METTL5: variants seen among roughly 807,000 people sequenced by gnomAD.
METTL5 encodes rRNA N(6)-adenosine-methyltransferase METTL5.
Under a neutral mutation model 26.5 loss-of-function variants are expected in METTL5, and 28 were observed. The ratio of observed to expected loss-of-function variants is 1.06; its 90% CI spans 0.78 to 1.45. The LOEUF (loss-of-function observed/expected upper bound fraction) is 1.45. METTL5 is among the 40% of genes most tolerant of loss of function. METTL5 has a pLI of 0.00. For missense variants in METTL5, 231 were observed against 249.9 expected (o/e 0.92, Z 0.51); for synonymous variants, 86 against 82.6 (o/e 1.04, Z -0.22).
intron 5 of METTL5, chr2:169,812,736 G>A: frequency 2.1e-6 from 1 of 483,568 alleles, no homozygotes. Flanking sequence ...GGTTATAAGT[G>A]ATGAGTTTAG....
Position 169,821,197 on chromosome 2 carries a change from T to C in METTL5, c.301A>G (p.Asn101Asp). The C allele has an allele frequency of 6.2e-7, 1 of 1,612,768 alleles. No homozygotes were observed. Among genetic ancestry groups the C allele is most frequent in the Non-Finnish European group, 8.5e-7 (1 of 1,179,120 alleles). The change falls in exon 3 of 7, where the codon AAT (asparagine) becomes GAT (aspartate). Residue 101 changes from asparagine (N) to aspartate (D), a missense_variant. Physicochemically the swap from Asn to Asp is conservative, Grantham distance 23. Coordinates refer to ENST00000260953, the MANE Select transcript of METTL5 (RefSeq NM_014168.4). ...NRNAEEFELT[N>D]IDMVQCDVCL... The stretch of plus-strand genomic sequence containing the variant: ...ACATCACATTGAACCATGTCAATAT[T>C]TGTTAACTCAAACTCTTCTGCATTC...
chr2:169,813,544 G>A (rs1444999992), intron 5 of METTL5, among the ~76,000 whole-genome samples: 2 of 151,804 alleles, frequency 1.3e-5, no homozygotes, highest in Non-Finnish European at 2.9e-5. Context: ...GTTCTAAGGT[G>A]TTCCGTACTG....
chr2:169,819,896 G>A (rs1237068157), intron 3 of METTL5, among the ~76,000 whole-genome samples: 1 of 151,640 alleles, frequency 6.6e-6, no homozygotes, highest in African/African-American at 2.4e-5. Context: ...CTTCAAAAAG[G>A]GGAGAAGGAA....
At chr2:169,815,818 A>C (rs537777154) in intron 4 of METTL5, among the ~76,000 whole-genome samples, 1 of 152,370 alleles carries the variant, frequency 6.6e-6, no homozygotes, top group South Asian at 2.1e-4. Flanking sequence ...TGGTAGTCCC[A>C]TAAAATTATA....
At chr2:169,812,228 T>C in intron 6 of METTL5, 1 of 657,038 alleles carries the variant, frequency 1.5e-6, no homozygotes, top group Non-Finnish European at 2.5e-6. Flanking sequence ...TAATTACTTG[T>C]CACAAAGCTT....
intron 5 of METTL5, among the ~76,000 whole-genome samples, chr2:169,814,882 T>C: frequency 6.6e-6 from 1 of 150,968 alleles, no homozygotes; most frequent in Non-Finnish European, 1.5e-5. Flanking sequence ...GCCCACTTTT[T>C]TTTTTCATTT....
chr2:169,823,597 A>G (rs1414067768), intron 1 of METTL5, among the ~76,000 whole-genome samples: 1 of 152,186 alleles, frequency 6.6e-6, no homozygotes, highest in Non-Finnish European at 1.5e-5. Flanking sequence ...CAGTGGGAAG[A>G]TCGCTTCAGC....
At chr2:169,817,175 A>G (rs2081520535) in intron 4 of METTL5, among the ~76,000 whole-genome samples, 1 of 152,204 alleles carries the variant, frequency 6.6e-6, no homozygotes, top group Non-Finnish European at 1.5e-5. Context: ...CAACAGACAT[A>G]TGAAAAAATG....
At chr2:169,814,807 C>A (rs970630813) in intron 5 of METTL5, among the ~76,000 whole-genome samples, 3 of 151,944 alleles carry the variant, frequency 2.0e-5, no homozygotes, top group Admixed American at 1.3e-4. Flanking sequence ...AATTTCCTGA[C>A]CTCGTGATCC....
chr2:169,815,216 G>A (rs1163012808), intron 5 of METTL5, among the ~76,000 whole-genome samples: 1 of 152,168 alleles, frequency 6.6e-6, no homozygotes, highest in Non-Finnish European at 1.5e-5. Flanking sequence ...TTTAGCCATT[G>A]TGCTGCTATA....
intron 4 of METTL5, among the ~76,000 whole-genome samples, chr2:169,815,957 TA>T (rs2081500274): frequency 1.3e-5 from 2 of 152,190 alleles, no homozygotes; most frequent in Non-Finnish European, 2.9e-5. Flanking sequence ...TTGCCTGTAG[TA>T]TTCAATACAG....
chr2:169,824,648 G>T lies in METTL5; in HGVS notation c.-51C>A. ...GGTTTGAAGGCACAGGATCTGCGGA[G>T]AAATCTATTGAACTGGGATCTTGTT... On this transcript the variant is annotated 5_prime_UTR_variant, in exon 1 of 7. Transcript: ENST00000260953. 2 of 1,359,984 alleles carry T rather than the reference G, an allele frequency of 1.5e-6. No homozygotes were observed. The highest frequency in any genetic ancestry group is 2.1e-6 in the Non-Finnish European group (2 of 948,640). 84.2% of individuals were successfully genotyped at this position (1,359,984 alleles called of 1,614,324 possible).
chr2:169,812,252 T>C (rs929998311), intron 6 of METTL5: 12 of 742,396 alleles, frequency 1.6e-5, no homozygotes, highest in Non-Finnish European at 2.6e-5. Context: ...TTTTTTTTTC[T>C]TTTTCGAGAC....
rs189605613 is a variant in METTL5, at chr2:169,815,187, C to A, written c.541+290G>T. Among the ~76,000 whole-genome samples the A allele has an allele frequency of 2.0e-5, 3 of 152,354 alleles. No individual in the cohort carries two copies. The East Asian group carries it at 5.8e-4, about 29-fold the overall frequency. On this transcript the variant is annotated intron_variant, in intron 5 of 6. Coordinates refer to ENST00000260953, the MANE Select transcript of METTL5 (RefSeq NM_014168.4). ...GGATTACAGGCGTGAGCCACCACAC[C>A]TGGCCCCCAGCCCATGTTTTTAGCC...
rs1415403675 is a variant in METTL5, at chr2:169,824,895, G to C, written c.-298C>G. ...CTGGAGGCGACCCGCACCTCGGCCGGTGCCGGAAGCGCCAGGCCGCACGCG... is the reference window on the plus strand; with the variant it reads ...CTGGAGGCGACCCGCACCTCGGCCGCTGCCGGAAGCGCCAGGCCGCACGCG... On this transcript the variant is annotated 5_prime_UTR_variant, in exon 1 of 7. Transcript: ENST00000260953. The C allele has an allele frequency of 4.0e-5, 8 of 199,064 alleles. No homozygotes were observed. The highest frequency in any genetic ancestry group is 8.0e-5 in the Non-Finnish European group (8 of 99,428). The allele number at this position is 199,064 out of a possible 1,614,324, so 12.3% of individuals were successfully genotyped here. A position where few individuals can be genotyped will look rare whatever the true frequency, so the allele number is the denominator to read the frequency against.
intron 4 of METTL5, among the ~76,000 whole-genome samples, chr2:169,818,859 G>T (rs879270329): frequency 2.3e-4 from 35 of 152,106 alleles, no homozygotes; most frequent in African/African-American, 8.2e-4. Flanking sequence ...AGTACAATTG[G>T]TACTCTCAGT....
At chr2:169,821,060 A>G (rs1300242862) in intron 3 of METTL5, 32 bp downstream of exon 3, 3 of 1,513,544 alleles carry the variant, frequency 2.0e-6, no homozygotes, top group East Asian at 2.4e-5. Context: ...TTTTCTATAA[A>G]TATACCAATA....
chr2:169,815,586 T>A, intron 4 of METTL5, 58 bp from the exon 5 acceptor site: 5 of 1,280,922 alleles, frequency 3.9e-6, no homozygotes, highest in Non-Finnish European at 5.5e-6. Context: ...TTTTTAAAAT[T>A]GCTTTTTACT....
chr2:169,820,467 A>T (rs2081569141), intron 3 of METTL5, among the ~76,000 whole-genome samples: 1 of 152,184 alleles, frequency 6.6e-6, no homozygotes, highest in Admixed American at 6.5e-5. Flanking sequence ...TTATTCCTGA[A>T]AGCAAATGGG....
Sources: allele counts gnomAD v4.1 joint callset (sites outside exome capture counted in the v4.1 genomes callset), GRCh38; gene constraint gnomAD v4.1.1; transcripts MANE v1.5; gene names NCBI Gene and HGNC (gene_info 2026-07-23, HGNC 2026-07-21).